ZRSR2: variants seen among roughly 807,000 people sequenced by gnomAD.
ZRSR2 encodes zinc finger CCCH-type, RNA binding motif and serine/arginine rich 2.
In ZRSR2, 3 loss-of-function variants were observed where a neutral mutation model predicts 39.4. The ratio of observed to expected loss-of-function variants is 0.08; its 90% CI spans 0.03 to 0.20. The LOEUF is 0.20. Among genes scored for constraint, ZRSR2 ranks in the 10% least tolerant of loss-of-function variants. The probability of loss-of-function intolerance (pLI) is 1.00; values close to 1 mark genes in which losing one functional copy is unlikely to be tolerated. For missense variants in ZRSR2, 256 were observed against 391.5 expected (o/e 0.65, Z 2.92); for synonymous variants, 137 against 136.0 (o/e 1.01, Z -0.05).
At chrX:15,808,333 T>G in intron 6 of ZRSR2, 62 bp downstream of exon 6, 1 of 1,031,273 alleles carries the variant, frequency 9.7e-7, no homozygotes, top group East Asian at 3.0e-5. Context: ...GAAATAATAG[T>G]TCCAGTAATG....
At chrX:15,809,437 T>G in intron 7 of ZRSR2, 119 bp downstream of exon 7, 1 of 526,135 alleles carries the variant, frequency 1.9e-6, no homozygotes, top group Non-Finnish European at 3.3e-6. Context: ...AGACATCTGC[T>G]GCCTTCTTGC....
chrX:15,811,659 A>T (rs932311868), intron 7 of ZRSR2, among the ~76,000 whole-genome samples: 1 of 111,385 alleles, frequency 9.0e-6, no homozygotes, highest in African/African-American at 3.3e-5. Flanking sequence ...ATCTCTTGAC[A>T]TTGTGATCCA....
At chrX:15,803,537 C>T (rs1210343030) in intron 3 of ZRSR2, 151 bp from the exon 4 acceptor site, 3 of 686,719 alleles carry the variant, frequency 4.4e-6, no homozygotes, top group East Asian at 3.7e-5. Flanking sequence ...CTGCTCTTCT[C>T]GTTCTCTTAC....
At chrX:15,801,746 AAG>A (rs1279097499) in intron 3 of ZRSR2, 6 of 112,001 alleles carry the variant, frequency 5.4e-5, no homozygotes, top group East Asian at 5.5e-4. Context: ...GGTATGAAAT[AAG>A]AGAGTAATTT....
intron 7 of ZRSR2, among the ~76,000 whole-genome samples, chrX:15,814,951 A>G (rs1391294503): frequency 3.6e-5 from 4 of 112,353 alleles, no homozygotes. Flanking sequence ...ACGATTGTAC[A>G]GAACCAGGAT....
intron 2 of ZRSR2, among the ~76,000 whole-genome samples, chrX:15,795,315 T>C (rs1932417176): frequency 9.1e-6 from 1 of 110,467 alleles, no homozygotes; most frequent in South Asian, 3.9e-4. Flanking sequence ...TCCCATAGCA[T>C]TGACAATCCT....
chrX:15,800,646 A>G (rs747167490), intron 3 of ZRSR2, among the ~76,000 whole-genome samples: 95 of 112,541 alleles, frequency 8.4e-4, no homozygotes, highest in African/African-American at 2.7e-3. Flanking sequence ...TAATGGCATG[A>G]TATTTATACA....
At chrX:15,790,587 G>A (rs1932237785) in intron 1 of ZRSR2, 51 bp downstream of exon 1, 1 of 1,145,212 alleles carries the variant, frequency 8.7e-7, no homozygotes, top group African/African-American at 1.8e-5. Context: ...TCGTGGGCAT[G>A]GAGGATGTGG....
At chrX:15,805,148 C>T (rs752753751) in intron 5 of ZRSR2, among the ~76,000 whole-genome samples, 1 of 112,222 alleles carries the variant, frequency 8.9e-6, no homozygotes, top group Admixed American at 9.5e-5. Flanking sequence ...GGGGCAGAAG[C>T]AGCCTCCACG....
chrX:15,800,329 G>A (rs1932631924), intron 3 of ZRSR2, among the ~76,000 whole-genome samples: 1 of 108,055 alleles, frequency 9.3e-6, no homozygotes. Flanking sequence ...TGGGACAACA[G>A]GTGTGCACCA....
At chrX:15,821,326 T>G (rs1236098721) in intron 10 of ZRSR2, among the ~76,000 whole-genome samples, 2 of 105,606 alleles carry the variant, frequency 1.9e-5, no homozygotes, top group African/African-American at 6.7e-5. Flanking sequence ...AGGGGACTAT[T>G]TCATTAAAAA....
At chrX:15,800,091 A>G (rs1359298004) in intron 3 of ZRSR2, 138 bp downstream of exon 3, 10 of 329,839 alleles carry the variant, frequency 3.0e-5, no homozygotes, top group Non-Finnish European at 5.2e-5. Flanking sequence ...TAAAGTATTT[A>G]AATCTGTAGT....
chrX:15,806,475 G>A (rs1376493980), intron 5 of ZRSR2, among the ~76,000 whole-genome samples: 1 of 111,327 alleles, frequency 9.0e-6, no homozygotes, highest in African/African-American at 3.3e-5. Context: ...CGCCCAGGCT[G>A]GAGTGCAGTG....
intron 3 of ZRSR2, among the ~76,000 whole-genome samples, chrX:15,800,505 CAG>C (rs1364684138): frequency 1.8e-5 from 2 of 108,235 alleles, no homozygotes; most frequent in Non-Finnish European, 1.9e-5. Context: ...TTTTTGAAAA[CAG>C]AAAAAAAACA....
At chrX:15,817,715 A>G (rs1280880558) in intron 8 of ZRSR2, among the ~76,000 whole-genome samples, 2 of 111,782 alleles carry the variant, frequency 1.8e-5, no homozygotes, top group Non-Finnish European at 3.8e-5. Context: ...ACTCCTGGCT[A>G]TGCACAGTAG....
chrX:15,800,188 T>TTC (rs1932623929), intron 3 of ZRSR2, among the ~76,000 whole-genome samples: 1 of 62,390 alleles, frequency 1.6e-5, no homozygotes, highest in African/African-American at 5.3e-5. Flanking sequence ...TTTTCTTTCT[T>TTC]TTTTTTTTTT....
chrX:15,791,031 C>T lies in ZRSR2; in HGVS notation c.121+18C>T. The T allele has an allele frequency of 8.4e-7, 1 of 1,189,788 alleles. No individual in the cohort carries two copies. The highest frequency in any genetic ancestry group is 1.1e-6 in the Non-Finnish European group (1 of 875,904). ...AGACTCAGGTGATGGACTCTTTATT[C>T]TGTTTTCTGTGTTGTGAAATTGCTC... On this transcript the variant is annotated intron_variant, in intron 2 of 10. Transcript: ENST00000307771.
chrX:15,790,735 T>G, intron 1 of ZRSR2, 199 bp downstream of exon 1: 1 of 646,092 alleles, frequency 1.5e-6, no homozygotes. Context: ...GAGGATCAGG[T>G]TGGCGGATGG....
chrX:15,813,518 A>G (rs780721013), intron 7 of ZRSR2, among the ~76,000 whole-genome samples: 1 of 112,183 alleles, frequency 8.9e-6, no homozygotes, highest in East Asian at 2.8e-4. Context: ...GGCCTTTTGT[A>G]TACACTTAGA....
Sources: gnomAD v4.1 joint callset for allele counts (sites outside exome capture counted in the v4.1 genomes callset) on GRCh38, gnomAD v4.1.1 for gene constraint, MANE v1.5 for transcripts, NCBI Gene and HGNC (gene_info 2026-07-23, HGNC 2026-07-21) for gene names.